Variants in CDH16 observed in about 807,000 individuals in gnomAD.
CDH16 encodes cadherin-16.
In CDH16, 79 loss-of-function variants were observed where a neutral mutation model predicts 87.6. That is an observed-to-expected ratio of 0.90 (90% CI 0.75 to 1.09). CDH16 has a LOEUF of 1.09. CDH16 is among the 50% of genes least tolerant of loss of function. The probability of loss-of-function intolerance (pLI) is 0.00; values close to 1 mark genes in which losing one functional copy is unlikely to be tolerated. For missense variants in CDH16, 1,124 were observed against 1,071.7 expected (o/e 1.05, Z -0.68); for synonymous variants, 457 against 439.5 (o/e 1.04, Z -0.50).
chr16:66,909,221 C>A lies in CDH16; in HGVS notation c.2392+46G>T, dbSNP rs1233480593. On this transcript the variant is annotated intron_variant, in intron 17 of 17. Coordinates refer to ENST00000299752, the MANE Select transcript of CDH16 (RefSeq NM_004062.4). The surrounding 1 kb of genome is among the most constrained non-coding windows in gnomAD (Gnocchi z 4.1). ...GTTTATTTGGAGGCTGTGGTCCCAA[C>A]CACCCATCGCCCTCGCCCACGCAGG... The A allele has an allele frequency of 3.3e-6, 4 of 1,221,892 alleles. No homozygotes were observed. The highest frequency in any genetic ancestry group is 2.4e-5 in the South Asian group (2 of 82,940). 75.7% of individuals were successfully genotyped at this position (1,221,892 alleles called of 1,614,324 possible).
chr16:66,911,359 T>A (rs770603846), intron 13 of CDH16, 44 bp from the exon 14 acceptor site: 2 of 1,598,658 alleles, frequency 1.3e-6, no homozygotes, highest in South Asian at 1.1e-5. Context: ...GGACTACATA[T>A]AGGGTTTTGC....
Position 66,916,077 on chromosome 16 carries a change from C to T in CDH16, c.412G>A (p.Gly138Ser), listed in dbSNP as rs1962666846. 1 of 1,614,056 alleles carries T rather than the reference C, an allele frequency of 6.2e-7. No individual in the cohort carries two copies. The highest frequency in any genetic ancestry group is 8.5e-7 in the Non-Finnish European group (1 of 1,180,040). The part of the protein sequence containing the change: ...QAIYRARLSR[G>S]TRPGIPFLFL... ...CCTGGTCACTCACCAGGCCTGGTAC[C>T]CCGGCTCAGCCGAGCTCTGTAGATG... Residue 138 changes from glycine to serine, a missense_variant, in exon 5 of 18, where the codon GGT becomes AGT. Coordinates refer to ENST00000299752, the MANE Select transcript of CDH16 (RefSeq NM_004062.4). The surrounding 1 kb of genome is among the most constrained non-coding windows in gnomAD (Gnocchi z 4.1).
At position 66,917,845 on chromosome 16, in the gene CDH16, C is replaced by T. The variant is rs960357626; in HGVS notation, c.46-120G>A. On this transcript the variant is annotated intron_variant, in intron 2 of 17. Transcript: ENST00000299752. ...CCTGGCTGTACCTTAGTCCATCCAC[C>T]CGCGCTCTGGTCTTTGACCTCCTCA... The T allele has an allele frequency of 2.4e-5, 24 of 1,020,560 alleles. No individual in the cohort carries two copies. The African/African-American group carries it at 3.2e-4, about 14-fold the overall frequency. 63.2% of individuals were successfully genotyped at this position (1,020,560 alleles called of 1,614,324 possible). A position where few individuals can be genotyped will look rare whatever the true frequency, so the allele number is the denominator to read the frequency against.
At position 66,916,480 on chromosome 16, in the gene CDH16, GC is replaced by G. The variant is rs754651308; in HGVS notation, c.130-52del. 1 of 1,520,478 alleles carries G rather than the reference GC, an allele frequency of 6.6e-7. No homozygotes were observed. The highest frequency in any genetic ancestry group is 8.8e-7 in the Non-Finnish European group (1 of 1,134,666). 94.2% of individuals were successfully genotyped at this position (1,520,478 alleles called of 1,614,324 possible). ...GGAGCGGTGGCCAGGCCTGGGAGATGCCCCTCCTCCACCTGATGGCCTCATT... is the reference window on the plus strand; with the variant it reads ...GGAGCGGTGGCCAGGCCTGGGAGATGCCCTCCTCCACCTGATGGCCTCATT... On this transcript the variant is annotated intron_variant, in intron 3 of 17. Coordinates refer to ENST00000299752, the MANE Select transcript of CDH16 (RefSeq NM_004062.4). This position sits in a 1 kb window ranked among gnomAD's most constrained non-coding sequence, Gnocchi z 4.1.
At chr16:66,917,891 C>A (rs1421693473) in intron 2 of CDH16, 130 bp downstream of exon 2, 2 of 1,011,044 alleles carry the variant, frequency 2.0e-6, no homozygotes, top group Admixed American at 2.4e-5. Context: ...GCTCTATAGT[C>A]CCAGCTCTGA....
rs1213239527 is a variant in CDH16, at chr16:66,909,516, T to C, written c.2276-133A>G. On this transcript the variant is annotated intron_variant, in intron 16 of 17. Coordinates refer to ENST00000299752, the MANE Select transcript of CDH16 (RefSeq NM_004062.4). This position sits in a 1 kb window ranked among gnomAD's most constrained non-coding sequence, Gnocchi z 4.1. ...GTGTATTCACATGTGTGTGAAGATA[T>C]ATGCGCTAGCCAGGCGTGGTGGCTC... 1 of 663,876 alleles carries C rather than the reference T, an allele frequency of 1.5e-6. No individual in the cohort carries two copies. The highest frequency in any genetic ancestry group is 2.2e-5 in the Admixed American group (1 of 44,526). 41.1% of individuals were successfully genotyped at this position (663,876 alleles called of 1,614,324 possible).
At chr16:66,910,578 C>A in intron 14 of CDH16, 76 bp from the exon 15 acceptor site, 1 of 1,396,830 alleles carries the variant, frequency 7.2e-7, no homozygotes, top group South Asian at 1.7e-5. Context: ...GGGCTGCTCC[C>A]GCAGCCCATG....
intron 13 of CDH16, 143 bp downstream of exon 13, chr16:66,911,756 C>A (rs537446735): frequency 3.1e-5 from 33 of 1,057,686 alleles, no homozygotes; most frequent in Admixed American, 1.1e-4. Flanking sequence ...CCGATCCCTG[C>A]CAGGAGTCAC....
intron 8 of CDH16, 53 bp downstream of exon 8, chr16:66,913,438 G>A: frequency 6.2e-7 from 1 of 1,612,122 alleles, no homozygotes; most frequent in South Asian, 1.1e-5. Context: ...AAAGCCAACT[G>A]GACACTGACC....
rs1055675409 is a variant in CDH16, at chr16:66,910,485, C to T, written c.1942G>A (p.Ala648Thr). 3.8e-5 allele frequency: 59 copies of T among 1,537,894 alleles called. No individual in the cohort carries two copies. Among genetic ancestry groups the T allele is most frequent in the Non-Finnish European group, 4.5e-5 (51 of 1,138,008 alleles). Residue 648 changes from alanine (A) to threonine (T), a missense_variant, in exon 15 of 18, where the codon GCT (alanine) becomes ACT (threonine). Physicochemically the swap from Ala to Thr is moderately conservative, Grantham distance 58 (BLOSUM62 0). Coordinates refer to ENST00000299752, the MANE Select transcript of CDH16 (RefSeq NM_004062.4). ...AAGTGGATCACCAGGGGTGCAGAAG[C>T]GCTCAGTCTCGGCTCATCTGCAGAG... Reference protein sequence around the residue: ...AQDTDEPRLSASAPLVIHFLK... With the variant: ...AQDTDEPRLSTSAPLVIHFLK...
intron 14 of CDH16, 41 bp downstream of exon 14, chr16:66,911,141 T>A: frequency 6.3e-7 from 1 of 1,577,992 alleles, no homozygotes. Flanking sequence ...GTCTGAGGTT[T>A]GTACCCCCTC....
Position 66,910,328 on chromosome 16 carries a change from C to A in CDH16, c.2099G>T (p.Gly700Val). The change falls in exon 15 of 18, where the codon GGT becomes GTT. Residue 700 changes from glycine to valine, a missense_variant. Transcript: ENST00000299752. The part of the protein sequence containing the change: ...SKDPDLASGH[G>V]PYSFTLGPNP... Reference sequence around the variant, plus strand: ...GGGACCAAGGGTGAAGCTGTAGGGACCGTGCCCACTGGCCAGATCGGGGTC... The same window carrying A: ...GGGACCAAGGGTGAAGCTGTAGGGAACGTGCCCACTGGCCAGATCGGGGTC... 6.2e-7 allele frequency: 1 copy of A among 1,613,750 alleles called. No homozygotes were observed. Among genetic ancestry groups the A allele is most frequent in the Non-Finnish European group, 8.5e-7 (1 of 1,179,826 alleles).
Position 66,910,319 on chromosome 16 carries a change from C to A in CDH16, c.2108G>T (p.Ser703Ile). ...PDLASGHGPY[S>I]FTLGPNPTVQ... ...CGTGGGGTTGGGACCAAGGGTGAAG[C>A]TGTAGGGACCGTGCCCACTGGCCAG... The change falls in exon 15 of 18, where the codon AGC (serine) becomes ATC (isoleucine). Residue 703 changes from serine to isoleucine, a missense_variant. Physicochemically the swap from Ser to Ile is moderately radical, Grantham distance 142 (BLOSUM62 -2). Transcript: ENST00000299752. The A allele has an allele frequency of 6.2e-7, 1 of 1,613,670 alleles. No individual in the cohort carries two copies. Among genetic ancestry groups the A allele is most frequent in the Non-Finnish European group, 8.5e-7 (1 of 1,179,794 alleles).
chr16:66,908,930 C>CA (rs1413077181), intron 17 of CDH16, among the ~76,000 whole-genome samples: 1 of 152,220 alleles, frequency 6.6e-6, no homozygotes, highest in East Asian at 1.9e-4. Flanking sequence ...CACAACCTGA[C>CA]TGTGTAACCT....
In CDH16 at chr16:66,914,295, A is replaced by G; in HGVS notation, c.701T>C (p.Ile234Thr). 4 of 1,614,182 alleles carry G rather than the reference A, an allele frequency of 2.5e-6. No individual in the cohort carries two copies. Among genetic ancestry groups the G allele is most frequent in the Non-Finnish European group, 2.5e-6 (3 of 1,180,020 alleles). ...CTCTAGGGACACCCAGGTGCTCTCT[A>G]TGATGGAGACTTCCACGGTGGCAGT... ...QATATVEVSI[I>T]ESTWVSLEPI... Residue 234 changes from isoleucine (I) to threonine (T), a missense_variant, in exon 7 of 18, where the codon ATA becomes ACA. By Grantham distance (89) the Ile-to-Thr change is moderately conservative. Transcript: ENST00000299752.
chr16:66,912,863 C>T lies in CDH16; in HGVS notation c.1083G>A (p.Glu361=), dbSNP rs1458949161. The T allele has an allele frequency of 6.2e-7, 1 of 1,612,666 alleles. No individual in the cohort carries two copies. The highest frequency in any genetic ancestry group is 8.5e-7 in the Non-Finnish European group (1 of 1,180,012). ...TGGGGGAGCCGGGGGCATCTGCATC[C>T]TCTGCTGACAGTCTAGTCACTTCAG... ...PGTEVTRLSA[E]DADAPGSPNS... is the part of the protein sequence containing the mutation. The change falls in exon 10 of 18, where the codon GAG becomes GAA. Residue 361 remains glutamate (E), a synonymous_variant. Coordinates refer to ENST00000299752, the MANE Select transcript of CDH16 (RefSeq NM_004062.4).
intron 5 of CDH16, 102 bp from the exon 6 acceptor site, chr16:66,915,480 T>C: frequency 7.5e-7 from 1 of 1,324,708 alleles, no homozygotes; most frequent in Non-Finnish European, 1.0e-6. Flanking sequence ...CTATCCATTA[T>C]CACATCAGGA....
At position 66,916,263 on chromosome 16, in the gene CDH16, C is replaced by G; in HGVS notation, c.285+11G>C. On this transcript the variant is annotated intron_variant, in intron 4 of 17. Transcript: ENST00000299752. The surrounding 1 kb of genome is among the most constrained non-coding windows in gnomAD (Gnocchi z 4.1). ...CTTGCCTGCTCTCCCCTACACCTGG[C>G]CCAGCCATACCTGTAGCTGGTACTC... The G allele has an allele frequency of 6.2e-7, 1 of 1,613,676 alleles. No individual in the cohort carries two copies. Among genetic ancestry groups the G allele is most frequent in the South Asian group, 1.1e-5 (1 of 91,078 alleles).
rs761700186 is a variant in CDH16, at chr16:66,909,887, G to C, written c.2275+99C>G. 1.4e-5 allele frequency: 12 copies of C among 849,142 alleles called. No individual in the cohort carries two copies. Among genetic ancestry groups the C allele is most frequent in the Non-Finnish European group, 2.1e-5 (11 of 523,914 alleles). 52.6% of individuals were successfully genotyped at this position (849,142 alleles called of 1,614,324 possible). On this transcript the variant is annotated intron_variant, in intron 16 of 17. Transcript: ENST00000299752. This position sits in a 1 kb window ranked among gnomAD's most constrained non-coding sequence, Gnocchi z 4.1. Reference sequence around the variant, plus strand: ...GTGCAAGTGTGCACAGGCATGTGCTGTCCACATGAGCAGCCTGTATGCATG... The same window carrying C: ...GTGCAAGTGTGCACAGGCATGTGCTCTCCACATGAGCAGCCTGTATGCATG...
Sources: gnomAD v4.1 joint callset for allele counts (sites outside exome capture counted in the v4.1 genomes callset) on GRCh38, gnomAD v4.1.1 for gene constraint, Gnocchi (gnomAD v3.1) non-coding constraint, MANE v1.5 for transcripts, NCBI Gene and HGNC (gene_info 2026-07-23, HGNC 2026-07-21) for gene names.